The following ADAMTSL1 variants were observed in gnomAD, a reference collection of about 807,000 sequenced individuals.
The protein encoded by ADAMTSL1 is ADAMTS like 1.
In ADAMTSL1, 126 loss-of-function variants were observed where a neutral mutation model predicts 201.8. That is an observed-to-expected ratio of 0.62 (90% confidence interval 0.54 to 0.72). ADAMTSL1 has a LOEUF of 0.72. ADAMTSL1 is among the 30% of genes least tolerant of loss of function. The pLI, the probability that ADAMTSL1 is intolerant of heterozygous loss-of-function variation, is 0.00. For synonymous variants in ADAMTSL1, 1,121 were observed against 903.4 expected (o/e 1.24, Z -4.32); for missense variants, 2,679 against 2,277.8 (o/e 1.18, Z -3.59).
intron 2 of ADAMTSL1, among the ~76,000 whole-genome samples, chr9:18,336,587 T>C (rs1037526442): frequency 2.0e-5 from 3 of 152,270 alleles, no homozygotes; most frequent in East Asian, 3.9e-4. Flanking sequence ...TTTTACATCA[T>C]AGAATTTAAA....
In ADAMTSL1 at chr9:18,753,387, G is replaced by C. The variant is rs769915002; in HGVS notation, c.2096G>C (p.Arg699Thr). The change falls in exon 16 of 29, where the codon AGA (arginine) becomes ACA (threonine). Residue 699 changes from arginine (R) to threonine (T), a missense_variant. By Grantham distance (71) the Arg-to-Thr change is moderately conservative. Coordinates refer to ENST00000380548, the MANE Select transcript of ADAMTSL1 (RefSeq NM_001040272.6). ...GTCTTCTGCAGCCACCTGCTTTCCA[G>C]AGAGATGAATGAAACAGTCATCCTG... The part of the protein sequence containing the change: ...RDVFCSHLLS[R>T]EMNETVILAD... The C allele has an allele frequency of 6.2e-7, 1 of 1,612,870 alleles. No homozygotes were observed. The highest frequency in any genetic ancestry group is 1.1e-5 in the South Asian group (1 of 90,662).
intron 2 of ADAMTSL1, among the ~76,000 whole-genome samples, chr9:18,290,775 T>G (rs971648499): frequency 3.5e-4 from 25 of 71,864 alleles, no homozygotes; most frequent in Admixed American, 1.1e-3. Context: ...CTGGCTTTTT[T>G]TGTGTGTTTT....
intron 2 of ADAMTSL1, among the ~76,000 whole-genome samples, chr9:18,200,416 T>A (rs1829391235): frequency 6.6e-6 from 1 of 152,154 alleles, no homozygotes; most frequent in Non-Finnish European, 1.5e-5. Context: ...CCAAAGGGAT[T>A]ATTATGCTTG....
rs1273148833 is a variant in ADAMTSL1 at position 18,675,910 on chromosome 9, A to G, written c.1136+3A>G. 4.3e-6 allele frequency: 7 copies of G among 1,612,612 alleles called. No individual in the cohort carries two copies. Among genetic ancestry groups the G allele is most frequent in the Non-Finnish European group, 5.9e-6 (7 of 1,178,818 alleles). ...GACCTCTACCATCCCCTTCCTCGGTACGTAAATCAATCATCCTGATGTTAG... is the reference window on the plus strand; with the variant it reads ...GACCTCTACCATCCCCTTCCTCGGTGCGTAAATCAATCATCCTGATGTTAG... On this transcript the variant is annotated splice_donor_region_variant and intron_variant, in intron 10 of 28. Coordinates refer to ENST00000380548, the MANE Select transcript of ADAMTSL1 (RefSeq NM_001040272.6).
intron 1 of ADAMTSL1, among the ~76,000 whole-genome samples, chr9:18,134,942 T>C (rs1200316371): frequency 6.6e-6 from 1 of 152,146 alleles, no homozygotes; most frequent in African/African-American, 2.4e-5. Flanking sequence ...TCAGTGTCAT[T>C]AGAAAATTGC....
At chr9:18,527,591 C>T (rs993855420) in intron 2 of ADAMTSL1, among the ~76,000 whole-genome samples, 1 of 152,036 alleles carries the variant, frequency 6.6e-6, no homozygotes, top group African/African-American at 2.4e-5. Context: ...CACCTCTTCT[C>T]AGGTTGTTAA....
chr9:18,905,686 C>A, intron 26 of ADAMTSL1, 96 bp from the exon 27 acceptor site: 1 of 897,122 alleles, frequency 1.1e-6, no homozygotes. Flanking sequence ...CCAACAAGAC[C>A]TACACAAGGA....
intron 23 of ADAMTSL1, among the ~76,000 whole-genome samples, chr9:18,877,793 A>G (rs1588290947): frequency 1.3e-5 from 2 of 152,204 alleles, no homozygotes; most frequent in South Asian, 2.1e-4. Flanking sequence ...TCACCTGGAT[A>G]AGTATTGGGG....
intron 3 of ADAMTSL1, among the ~76,000 whole-genome samples, chr9:18,552,278 A>T (rs913036920): frequency 5.3e-5 from 8 of 151,834 alleles, no homozygotes; most frequent in African/African-American, 1.7e-4. Flanking sequence ...ATAAAAAAAA[A>T]TTTTCATTAT....
chr9:18,410,217 A>C (rs144707490), intron 2 of ADAMTSL1, among the ~76,000 whole-genome samples: 1 of 142,760 alleles, frequency 7.0e-6, no homozygotes, highest in East Asian at 2.0e-4. Flanking sequence ...GTCAACTTTT[A>C]TTTTAAGCTC....
At chr9:17,920,572 G>A (rs748315221) in intron 1 of ADAMTSL1, among the ~76,000 whole-genome samples, 4 of 152,070 alleles carry the variant, frequency 2.6e-5, no homozygotes, top group Admixed American at 1.3e-4. Flanking sequence ...TGGCATCACC[G>A]CGTTCTCTTT....
chr9:18,661,982 G>T lies in ADAMTSL1; in HGVS notation c.994G>T (p.Val332Leu). ...GTGCTACGATCTGAGGAGCAACCGT[G>T]TGGTTGCTGACCAATACTGTCACTA... ...AECYDLRSNR[V>L]VADQYCHYYP... Residue 332 changes from valine to leucine, a missense_variant, in exon 9 of 29, where the codon GTG becomes TTG. By Grantham distance (32) the Val-to-Leu change is conservative. Coordinates refer to ENST00000380548, the MANE Select transcript of ADAMTSL1 (RefSeq NM_001040272.6). 1 of 1,613,778 alleles carries T rather than the reference G, an allele frequency of 6.2e-7. No individual in the cohort carries two copies. Among genetic ancestry groups the T allele is most frequent in the Non-Finnish European group, 8.5e-7 (1 of 1,179,666 alleles).
intron 1 of ADAMTSL1, among the ~76,000 whole-genome samples, chr9:18,068,499 GCTATTCTCTGGGGTT>G (rs893863330): frequency 7.2e-5 from 11 of 152,044 alleles, no homozygotes; most frequent in African/African-American, 2.4e-4. Flanking sequence ...TATGGATTTT[GCTATTCTCTGGGGTT>G]CTAGAACCAA....
chr9:18,276,194 G>A (rs73643214), intron 2 of ADAMTSL1, among the ~76,000 whole-genome samples: 5,076 of 151,820 alleles, frequency 0.033, 300 homozygotes, highest in African/African-American at 0.12. Flanking sequence ...TTTATTGGGT[G>A]TTTGTCTTTT....
intron 7 of ADAMTSL1, among the ~76,000 whole-genome samples, chr9:18,649,865 C>G (rs991304815): frequency 6.6e-6 from 1 of 152,174 alleles, no homozygotes; most frequent in Non-Finnish European, 1.5e-5. Flanking sequence ...AGGAGGCAGT[C>G]TGCCCGTTCT....
In ADAMTSL1 at chr9:18,130,658, A is replaced by G. The variant is rs552944975; in HGVS notation, c.88-33204A>G. Among the ~76,000 whole-genome samples the G allele has an allele frequency of 2.6e-5, 4 of 152,214 alleles. No homozygotes were observed. In the East Asian group the frequency reaches 7.7e-4, roughly 29 times the overall value. Reference sequence around the variant, plus strand: ...AGATGGCCAGGAAAATACATTATTCAAGTATTTGGAGCATTTTAGGAATAC... The same window carrying G: ...AGATGGCCAGGAAAATACATTATTCGAGTATTTGGAGCATTTTAGGAATAC... On this transcript the variant is annotated intron_variant, in intron 1 of 29. Coordinates refer to the ADAMTSL1 transcript ENST00000680146.
intron 2 of ADAMTSL1, among the ~76,000 whole-genome samples, chr9:18,297,449 T>C (rs945252805): frequency 2.0e-5 from 3 of 152,154 alleles, no homozygotes; most frequent in Non-Finnish European, 2.9e-5. Context: ...AGTATTTGTG[T>C]TTTTATAAAT....
chr9:18,641,382 A>G (rs1827425720), intron 7 of ADAMTSL1, among the ~76,000 whole-genome samples: 1 of 152,084 alleles, frequency 6.6e-6, no homozygotes, highest in African/African-American at 2.4e-5. Flanking sequence ...TTGCCACACA[A>G]CAATTGTTTA....
Position 18,718,516 on chromosome 9 carries a change from A to G in ADAMTSL1, c.1877-3020A>G, listed in dbSNP as rs1833109111. The G allele has an allele frequency of 5.5e-6, 3 of 548,476 alleles. No individual in the cohort carries two copies. In the Admixed American group the frequency reaches 6.0e-5, roughly 11 times the overall value. 34.0% of individuals were successfully genotyped at this position (548,476 alleles called of 1,614,324 possible). A position where few individuals can be genotyped will look rare whatever the true frequency, so the allele number is the denominator to read the frequency against. ...CTCCTGGGCCAAGAATGACTAGCTT[A>G]TACTCATGCATGATGCAAACTTGTC... is the stretch of plus-strand genomic sequence containing the variant. On this transcript the variant is annotated intron_variant, in intron 14 of 28. Transcript: ENST00000380548.
Sources: allele counts gnomAD v4.1 joint callset (sites outside exome capture counted in the v4.1 genomes callset), GRCh38; gene constraint gnomAD v4.1.1; transcripts MANE v1.5; gene names NCBI Gene and HGNC (gene_info 2026-07-23, HGNC 2026-07-21).